ZNF32: variants seen among roughly 807,000 people sequenced by gnomAD.
ZNF32 encodes C2H2-546.
Under a neutral mutation model 24.4 loss-of-function variants are expected in ZNF32, and 13 were observed. The ratio of observed to expected loss-of-function variants is 0.53; its 90% CI spans 0.35 to 0.85. The LOEUF is 0.85. Ranked by LOEUF, ZNF32 falls within the 40% of genes least tolerant of loss-of-function variation. The pLI, the probability that ZNF32 is intolerant of heterozygous loss-of-function variation, is 0.01. For synonymous variants in ZNF32, 115 were observed against 117.4 expected (o/e 0.98, Z 0.13); for missense variants, 239 against 325.3 (o/e 0.73, Z 2.04).
intron 2 of ZNF32, 102 bp downstream of exon 2, chr10:43,645,962 G>T: frequency 2.6e-6 from 4 of 1,542,932 alleles, no homozygotes; most frequent in Non-Finnish European, 3.5e-6. Context: ...CTCTACCAAA[G>T]CAAGGTCTCC....
In ZNF32 at chr10:43,644,917, A is replaced by T; in HGVS notation, c.71-116T>A. ...ATGTGCCAGGCCTTATTCTTTGCAT[A>T]GACAATGCAATCCTGAAAACAATGC... On this transcript the variant is annotated intron_variant, in intron 2 of 2. Coordinates refer to ENST00000374433, the MANE Select transcript of ZNF32 (RefSeq NM_006973.3). This position sits in a 1 kb window ranked among gnomAD's most constrained non-coding sequence, Gnocchi z 5.3. 7.9e-6 allele frequency: 9 copies of T among 1,146,252 alleles called. No individual in the cohort carries two copies. Among genetic ancestry groups the T allele is most frequent in the South Asian group, 1.6e-5 (1 of 62,180 alleles). 71.0% of individuals were successfully genotyped at this position (1,146,252 alleles called of 1,614,324 possible). A position where few individuals can be genotyped will look rare whatever the true frequency, so the allele number is the denominator to read the frequency against.
chr10:43,648,011 T>C (rs1325076963), intron 1 of ZNF32: 1 of 152,200 alleles, frequency 6.6e-6, no homozygotes, highest in Non-Finnish European at 1.5e-5. Flanking sequence ...AACATTGATT[T>C]TCCTATTAGA....
rs1400945724 is a variant in ZNF32 at position 43,646,100 on chromosome 10, A to C, written c.34T>G (p.Cys12Gly). ...FGFPTATLLD[C>G]HGRYAQNVAF... ...ACATTCTGGGCATATCTTCCATGAC[A>C]GTCCAGCAGGGTAGCTGTTGGAAAT... Residue 12 changes from cysteine (C) to glycine (G), a missense_variant, in exon 2 of 3, where the codon TGT (cysteine) becomes GGT (glycine). Coordinates refer to ENST00000374433, the MANE Select transcript of ZNF32 (RefSeq NM_006973.3). 13 of 1,614,096 alleles carry C rather than the reference A, an allele frequency of 8.1e-6. No homozygotes were observed. The highest frequency in any genetic ancestry group is 1.1e-5 in the Non-Finnish European group (13 of 1,180,036).
At chr10:43,646,004 G>A in intron 2 of ZNF32, 60 bp downstream of exon 2, 1 of 1,608,812 alleles carries the variant, frequency 6.2e-7, no homozygotes, top group Non-Finnish European at 8.5e-7. Context: ...CCAGTGCTGA[G>A]AACAGGGACA....
At chr10:43,648,025 G>T (rs10751331) in intron 1 of ZNF32, 1 of 151,948 alleles carries the variant, frequency 6.6e-6, no homozygotes, top group Non-Finnish European at 1.5e-5. Flanking sequence ...TATTAGAAAG[G>T]CTACTATATC....
Position 43,644,170 on chromosome 10 carries a change from C to T in ZNF32, c.702G>A (p.Leu234=). 1.9e-6 allele frequency: 3 copies of T among 1,614,202 alleles called. No homozygotes were observed. The highest frequency in any genetic ancestry group is 2.5e-6 in the Non-Finnish European group (3 of 1,180,046). Residue 234 remains leucine, a synonymous_variant, in exon 3 of 3, where the codon CTG becomes CTA. Coordinates refer to ENST00000374433, the MANE Select transcript of ZNF32 (RefSeq NM_006973.3). The surrounding 1 kb of genome is among the most constrained non-coding windows in gnomAD (Gnocchi z 5.3). Reference sequence around the variant, plus strand: ...TCTCTCCTGTGTGGATTTTGCCATGCAGAATACAATTCCCCCTGGTGTGGA... The same window carrying T: ...TCTCTCCTGTGTGGATTTTGCCATGTAGAATACAATTCCCCCTGGTGTGGA... ...KSFHTRGNCI[L]HGKIHTGETP...
At chr10:43,645,856 C>A (rs533571036) in intron 2 of ZNF32, 1 of 1,103,464 alleles carries the variant, frequency 9.1e-7, no homozygotes, top group Non-Finnish European at 1.2e-6. Context: ...ACTACTTCAA[C>A]GCTACCTCCA....
At position 43,644,731 on chromosome 10, in the gene ZNF32, T is replaced by C. The variant is rs1484805801; in HGVS notation, c.141A>G (p.Gln47=). 1 of 1,614,108 alleles carries C rather than the reference T, an allele frequency of 6.2e-7. No individual in the cohort carries two copies. The highest frequency in any genetic ancestry group is 1.7e-5 in the Admixed American group (1 of 60,028). ...EATGSSSWDI[Q]NSFRREKLEQ... is the part of the protein sequence containing the mutation. Reference sequence around the variant, plus strand: ...CCAGCTTCTCTCTTCTGAAAGAATTTTGGATATCCCAGCTTGAGGATCCTG... The same window carrying C: ...CCAGCTTCTCTCTTCTGAAAGAATTCTGGATATCCCAGCTTGAGGATCCTG... Residue 47 remains glutamine, a synonymous_variant, in exon 3 of 3, where the codon CAA becomes CAG. Coordinates refer to ENST00000374433, the MANE Select transcript of ZNF32 (RefSeq NM_006973.3). The surrounding 1 kb of genome is among the most constrained non-coding windows in gnomAD (Gnocchi z 5.3).
At chr10:43,646,867 C>CA (rs1839313982) in intron 1 of ZNF32, among the ~76,000 whole-genome samples, 1 of 152,160 alleles carries the variant, frequency 6.6e-6, no homozygotes, top group Non-Finnish European at 1.5e-5. Flanking sequence ...AATAAGGAGT[C>CA]AAAGTGGAGC....
chr10:43,644,576 T>C lies in ZNF32; in HGVS notation c.296A>G (p.His99Arg). ...GCACTCAAAAGGCTTTTGACCAGTGTGGATTCTCTCATGTAACGTTAGACT... is the reference window on the plus strand; with the variant it reads ...GCACTCAAAAGGCTTTTGACCAGTGCGGATTCTCTCATGTAACGTTAGACT... ...KGSLTLHERI[H>R]TGQKPFECTH... Residue 99 changes from histidine (H) to arginine (R), a missense_variant, in exon 3 of 3, where the codon CAC becomes CGC. His to Arg is a conservative substitution (Grantham distance 29). Transcript: ENST00000374433. The surrounding 1 kb of genome is among the most constrained non-coding windows in gnomAD (Gnocchi z 5.3). The C allele has an allele frequency of 6.2e-7, 1 of 1,614,020 alleles. No individual in the cohort carries two copies. The highest frequency in any genetic ancestry group is 8.5e-7 in the Non-Finnish European group (1 of 1,179,948).
At chr10:43,646,261 A>G (rs774616002) in intron 1 of ZNF32, 59 bp from the exon 2 acceptor site, 1 of 1,031,082 alleles carries the variant, frequency 9.7e-7, no homozygotes, top group Non-Finnish European at 1.4e-6. Flanking sequence ...GATATGTGAG[A>G]AGGAAAAAGT....
Position 43,646,194 on chromosome 10 carries a change from C to A in ZNF32, c.-61G>T. 6.3e-7 allele frequency: 1 copy of A among 1,577,080 alleles called. No individual in the cohort carries two copies. The highest frequency in any genetic ancestry group is 1.1e-5 in the South Asian group (1 of 88,010). On this transcript the variant is annotated 5_prime_UTR_variant, in exon 2 of 3. Transcript: ENST00000374433. ...TCATATGATTCTTCCATGGGCTGTT[C>A]CTGAGCACCTGAGGGAGAAAAACAA...
At position 43,644,546 on chromosome 10, in the gene ZNF32, T is replaced by G. The variant is rs1176699660; in HGVS notation, c.326A>C (p.His109Pro). 1.9e-6 allele frequency: 3 copies of G among 1,614,116 alleles called. No homozygotes were observed. The highest frequency in any genetic ancestry group is 2.5e-6 in the Non-Finnish European group (3 of 1,180,000). The change falls in exon 3 of 3, where the codon CAC (histidine) becomes CCC (proline). Residue 109 changes from histidine (H) to proline (P), a missense_variant. Physicochemically the swap from His to Pro is moderately conservative, Grantham distance 77 (BLOSUM62 -2). Transcript: ENST00000374433. This position sits in a 1 kb window ranked among gnomAD's most constrained non-coding sequence, Gnocchi z 5.3. ...HTGQKPFECT[H>P]CGKSFRAKGN... ...TTTGGCCCTGAAGCTTTTTCCACAG[T>G]GGGTGCACTCAAAAGGCTTTTGACC... is the stretch of plus-strand genomic sequence containing the variant.
Position 43,644,478 on chromosome 10 carries a change from G to C in ZNF32, c.394C>G (p.Pro132Ala), listed in dbSNP as rs758588972. 5.6e-6 allele frequency: 9 copies of C among 1,614,128 alleles called. No individual in the cohort carries two copies. Among genetic ancestry groups the C allele is most frequent in the Admixed American group, 1.7e-5 (1 of 60,014 alleles). Reference sequence around the variant, plus strand: ...TTCCCACACTCCTTGCACTGATAAGGCTTCTCTCCCGTGTGTATCCGTTGA... The same window carrying C: ...TTCCCACACTCCTTGCACTGATAAGCCTTCTCTCCCGTGTGTATCCGTTGA... ...THQRIHTGEK[P>A]YQCKECGKSF... Residue 132 changes from proline to alanine, a missense_variant, in exon 3 of 3, where the codon CCT becomes GCT. Physicochemically the swap from Pro to Ala is conservative, Grantham distance 27. Transcript: ENST00000374433. The surrounding 1 kb of genome is among the most constrained non-coding windows in gnomAD (Gnocchi z 5.3).
rs540704760 is a variant in ZNF32 at position 43,647,670 on chromosome 10, C to G, written c.-70+1132G>C. On this transcript the variant is annotated intron_variant, in intron 1 of 2. Transcript: ENST00000374433. ...GAGGACTCACTTCCAACTTGGAACA[C>G]AAGCTGCAAAGGAATTCCCTACCAG... 7 of 152,326 alleles carry G rather than the reference C, an allele frequency of 4.6e-5. No individual in the cohort carries two copies. In the East Asian group the frequency reaches 1.2e-3, roughly 25 times the overall value. 9.4% of individuals were successfully genotyped at this position (152,326 alleles called of 1,614,324 possible). A position where few individuals can be genotyped will look rare whatever the true frequency, so the allele number is the denominator to read the frequency against.
At chr10:43,645,958 C>A in intron 2 of ZNF32, 106 bp downstream of exon 2, 2 of 1,536,174 alleles carry the variant, frequency 1.3e-6, no homozygotes, top group Non-Finnish European at 1.8e-6. Flanking sequence ...CAAGCTCTAC[C>A]AAAGCAAGGT....
rs199726414 is a variant in ZNF32, at chr10:43,646,149, C to T, written c.-16G>A. 5.5e-4 allele frequency: 889 copies of T among 1,613,798 alleles called. 4 individuals are homozygous for T. The highest frequency in any genetic ancestry group is 1.2e-3 in the Admixed American group (71 of 60,004). On this transcript the variant is annotated 5_prime_UTR_variant, in exon 2 of 3. Transcript: ENST00000374433. ...ATCCAAACATGTCCACTCCTGCTTA[C>T]GACCTCAGTCACCACCTCTTCATAT...
In ZNF32 at chr10:43,644,820, A is replaced by G; in HGVS notation, c.71-19T>C. On this transcript the variant is annotated intron_variant, in intron 2 of 2. Coordinates refer to ENST00000374433, the MANE Select transcript of ZNF32 (RefSeq NM_006973.3). The surrounding 1 kb of genome is among the most constrained non-coding windows in gnomAD (Gnocchi z 5.3). ...ATCACATCTGATAAAATGAGAGGGA[A>G]GTCATATAAGAAGCACCAATAATGC... 1 of 1,563,462 alleles carries G rather than the reference A, an allele frequency of 6.4e-7. No homozygotes were observed. Among genetic ancestry groups the G allele is most frequent in the South Asian group, 1.2e-5 (1 of 81,358 alleles).
chr10:43,644,045 A>G lies in ZNF32; in HGVS notation c.*5T>C, dbSNP rs1839193940. 1 of 1,601,634 alleles carries G rather than the reference A, an allele frequency of 6.2e-7. No individual in the cohort carries two copies. The highest frequency in any genetic ancestry group is 1.7e-5 in the Admixed American group (1 of 57,370). Reference sequence around the variant, plus strand: ...CATAAAGAGAACTTCTCTTCAGGAAAGTGGTCAAAGGGTGAGCCTCTGTGA... The same window carrying G: ...CATAAAGAGAACTTCTCTTCAGGAAGGTGGTCAAAGGGTGAGCCTCTGTGA... On this transcript the variant is annotated 3_prime_UTR_variant, in exon 3 of 3. Transcript: ENST00000374433. The surrounding 1 kb of genome is among the most constrained non-coding windows in gnomAD (Gnocchi z 5.3).
Sources: gnomAD v4.1 joint callset for allele counts (sites outside exome capture counted in the v4.1 genomes callset) on GRCh38, gnomAD v4.1.1 for gene constraint, Gnocchi (gnomAD v3.1) non-coding constraint, MANE v1.5 for transcripts, NCBI Gene and HGNC (gene_info 2026-07-23, HGNC 2026-07-21) for gene names.